The following INSC variants were observed in gnomAD, a reference collection of about 807,000 sequenced individuals.
INSC encodes the protein protein inscuteable homolog.
A neutral mutation model predicts 58.6 loss-of-function variants in INSC; 67 were observed. The observed-to-expected ratio is 1.14, with a 90% CI of 0.94 to 1.40. INSC has a LOEUF of 1.40. Ranked by LOEUF, INSC falls within the 40% of genes most tolerant of loss-of-function variation. The probability of loss-of-function intolerance (pLI) is 0.00; values close to 1 mark genes in which losing one functional copy is unlikely to be tolerated. For missense variants in INSC, 714 were observed against 692.0 expected, an observed-to-expected ratio of 1.03 and a Z score of -0.36; for synonymous variants, 262 against 276.1, an observed-to-expected ratio of 0.95 and a Z score of 0.51.
intron 12 of INSC, 144 bp from the exon 13 acceptor site, chr11:15,245,768 C>T: frequency 9.9e-7 from 1 of 1,012,878 alleles, no homozygotes; most frequent in Admixed American, 2.4e-5. Flanking sequence ...GACTGAGATG[C>T]CAAGTGGCTA....
chr11:15,138,691 C>G (rs1183948381), intron 1 of INSC, among the ~76,000 whole-genome samples: 1 of 152,182 alleles, frequency 6.6e-6, no homozygotes, highest in Non-Finnish European at 1.5e-5. Context: ...TTATGGAGTA[C>G]CATTAACTAG....
chr11:15,158,716 G>T (rs953646758), intron 2 of INSC, among the ~76,000 whole-genome samples: 1 of 151,994 alleles, frequency 6.6e-6, no homozygotes, highest in African/African-American at 2.4e-5. Flanking sequence ...CTGTAAACGG[G>T]GGTAATAATA....
intron 7 of INSC, among the ~76,000 whole-genome samples, chr11:15,202,542 C>T (rs748530914): frequency 3.3e-5 from 5 of 152,164 alleles, no homozygotes; most frequent in Admixed American, 6.5e-5. Context: ...ATGCATTGAG[C>T]ATCCTCAACT....
Position 15,198,008 on chromosome 11 carries a change from G to A in INSC, c.694-2816G>A, listed in dbSNP as rs374441938. On this transcript the variant is annotated intron_variant, in intron 6 of 12. Transcript: ENST00000379556. Reference sequence around the variant, plus strand: ...TCACTCCAGGATGAGTGCTGCACTCGGTTCTTGAATGGGGGCTCCAGAGTG... The same window carrying A: ...TCACTCCAGGATGAGTGCTGCACTCAGTTCTTGAATGGGGGCTCCAGAGTG... Among the ~76,000 whole-genome samples the A allele has an allele frequency of 6.6e-5, 10 of 152,098 alleles. No individual in the cohort carries two copies. In the East Asian group the frequency reaches 1.7e-3, roughly 26 times the overall value.
intron 1 of INSC, among the ~76,000 whole-genome samples, chr11:15,115,705 C>T (rs540027476): frequency 2.0e-5 from 3 of 152,280 alleles, no homozygotes; most frequent in East Asian, 1.9e-4. Flanking sequence ...CACAAACACT[C>T]GCAGTGCACC....
intron 9 of INSC, among the ~76,000 whole-genome samples, chr11:15,229,816 G>T (rs779743212): frequency 6.7e-6 from 1 of 148,860 alleles, no homozygotes; most frequent in Non-Finnish European, 1.5e-5. Flanking sequence ...CCAGTACTTT[G>T]GGAGGTTGAG....
chr11:15,164,212 T>C (rs1849116800), intron 2 of INSC, among the ~76,000 whole-genome samples: 1 of 152,238 alleles, frequency 6.6e-6, no homozygotes, highest in South Asian at 2.1e-4. Flanking sequence ...AATAACTATA[T>C]ATGGGATGAG....
chr11:15,165,080 G>A (rs966287396), intron 2 of INSC, among the ~76,000 whole-genome samples: 1 of 152,114 alleles, frequency 6.6e-6, no homozygotes, highest in Non-Finnish European at 1.5e-5. Flanking sequence ...GCTGTTGGTG[G>A]TTTGTCCCCA....
rs375995608 is a variant in INSC, at chr11:15,162,698, A to G, written c.57-13043A>G. ...CTAGAACAGTTCCTGGCACCTATTT[A>G]GCCCTAATTAAATATTGTTGAATGA... is the stretch of plus-strand genomic sequence containing the variant. On this transcript the variant is annotated intron_variant, in intron 2 of 12. Transcript: ENST00000379556. 5.9e-5 allele frequency among the ~76,000 whole-genome samples: 9 copies of G among 152,308 alleles called. No individual in the cohort carries two copies. In the South Asian group the frequency reaches 1.2e-3, roughly 21 times the overall value.
At chr11:15,148,972 T>G in intron 1 of INSC, 158 bp from the exon 2 acceptor site, 4 of 777,394 alleles carry the variant, frequency 5.1e-6, no homozygotes, top group South Asian at 4.1e-5. Flanking sequence ...CTTACTTGTG[T>G]GAGGATACTG....
chr11:15,213,078 A>G (rs1012325978), intron 7 of INSC, among the ~76,000 whole-genome samples: 37 of 152,078 alleles, frequency 2.4e-4, no homozygotes, highest in African/African-American at 8.0e-4. Context: ...ACTTCCTTGT[A>G]TTACAGATAT....
At chr11:15,216,556 C>T (rs1851225919) in intron 7 of INSC, among the ~76,000 whole-genome samples, 1 of 152,180 alleles carries the variant, frequency 6.6e-6, no homozygotes, top group Non-Finnish European at 1.5e-5. Flanking sequence ...TATAGAAATG[C>T]AGGGATAGTA....
At chr11:15,135,533 T>A (rs1443028644) in intron 1 of INSC, among the ~76,000 whole-genome samples, 1 of 152,210 alleles carries the variant, frequency 6.6e-6, no homozygotes, top group Non-Finnish European at 1.5e-5. Context: ...CTGTCTTTTG[T>A]CCCTTTCTGT....
intron 12 of INSC, among the ~76,000 whole-genome samples, chr11:15,243,572 A>AG (rs1213081373): frequency 6.6e-6 from 1 of 152,050 alleles, no homozygotes; most frequent in African/African-American, 2.4e-5. Context: ...CACACTGAGG[A>AG]GGGGGTGCTC....
chr11:15,114,266 T>C, upstream of INSC, among the ~76,000 whole-genome samples: 1 of 37,004 alleles, frequency 2.7e-5, no homozygotes, highest in Non-Finnish European at 5.4e-5. Flanking sequence ...GGGTGGGGGG[T>C]GGGGTCTGAT....
chr11:15,173,789 T>A (rs1179358536), intron 2 of INSC, among the ~76,000 whole-genome samples: 1 of 152,210 alleles, frequency 6.6e-6, no homozygotes, highest in Non-Finnish European at 1.5e-5. Flanking sequence ...ATTTCATAAT[T>A]AAACATAAGA....
intron 5 of INSC, among the ~76,000 whole-genome samples, chr11:15,181,206 C>T (rs73424590): frequency 0.016 from 2,395 of 152,160 alleles, 60 homozygotes; most frequent in African/African-American, 0.054. Context: ...TTGTTTTGCT[C>T]GTGCATATAT....
At chr11:15,235,466 G>A (rs1852085449) in intron 9 of INSC, 136 bp from the exon 10 acceptor site, 1 of 736,438 alleles carries the variant, frequency 1.4e-6, no homozygotes, top group African/African-American at 1.7e-5. Flanking sequence ...AAATGCCGTG[G>A]AAGGATAGGC....
chr11:15,128,238 T>C (rs4492803), intron 1 of INSC, among the ~76,000 whole-genome samples: 88,416 of 152,016 alleles, frequency 0.58, 25,888 homozygotes, highest in African/African-American at 0.6. Flanking sequence ...TCCCGCCAAA[T>C]GGCTGATTTT....
Sources: allele counts gnomAD v4.1 joint callset (sites outside exome capture counted in the v4.1 genomes callset), GRCh38; gene constraint gnomAD v4.1.1; transcripts MANE v1.5; gene names NCBI Gene and HGNC (gene_info 2026-07-23, HGNC 2026-07-21).